FAM193B: variants seen among roughly 807,000 people sequenced by gnomAD.
FAM193B encodes protein FAM193B.
A neutral mutation model predicts 70.7 loss-of-function variants in FAM193B; 27 were observed. The observed-to-expected ratio is 0.38, with a 90% CI of 0.28 to 0.53. The LOEUF is 0.53. Ranked by LOEUF, FAM193B falls within the 20% of genes least tolerant of loss-of-function variation. The pLI, the probability that FAM193B is intolerant of heterozygous loss-of-function variation, is 0.81. For missense variants in FAM193B, 1,022 were observed against 1,072.5 expected (o/e 0.95, Z 0.66); for synonymous variants, 448 against 436.0 (o/e 1.03, Z -0.34).
intron 1 of FAM193B, among the ~76,000 whole-genome samples, chr5:177,549,187 CTTTTTTT>C (rs141797022): frequency 8.6e-5 from 8 of 93,024 alleles, no homozygotes; most frequent in South Asian, 3.7e-4. Context: ...ATTGTCTTTT[CTTTTTTT>C]TTTTTTTTTT....
Position 177,524,275 on chromosome 5 carries a change from A to G in FAM193B, c.2206T>C (p.Ser736Pro), listed in dbSNP as rs337382. 0.99 allele frequency: 1,568,050 copies of G among 1,576,290 alleles called. 780,278 individuals are homozygous for G. Among genetic ancestry groups the G allele is most frequent in the East Asian group, 1 (43,520 of 43,520 alleles). ...RPQEQESVQP[S>P]GPARPQSLPQ... ...AAGCTCTGTGGCCTTGCTGGGCCTG[A>G]GGGCTGCACAGACTCCTGCTCCTGA... is the stretch of plus-strand genomic sequence containing the variant. The change falls in exon 6 of 9, where the codon TCA becomes CCA. Residue 736 changes from serine (S) to proline (P), a missense_variant. Transcript: ENST00000514747.
rs1274515159 is a variant in FAM193B, at chr5:177,532,028, G to T, written c.1275+415C>A. ...CTCTGATCTGAGCCTCCTTCCTGGC[G>T]CCGTCTGTGCTCACGGCCTGTCCCT... On this transcript the variant is annotated intron_variant, in intron 5 of 8. Coordinates refer to ENST00000514747, the MANE Select transcript of FAM193B (RefSeq NM_001190946.3). The surrounding 1 kb of genome is among the most constrained non-coding windows in gnomAD (Gnocchi z 4.9). 3 of 1,291,872 alleles carry T rather than the reference G, an allele frequency of 2.3e-6. No individual in the cohort carries two copies. The highest frequency in any genetic ancestry group is 3.0e-6 in the Non-Finnish European group (3 of 990,660). 80.0% of individuals were successfully genotyped at this position (1,291,872 alleles called of 1,614,324 possible). A position where few individuals can be genotyped will look rare whatever the true frequency, so the allele number is the denominator to read the frequency against.
chr5:177,536,149 G>A (rs1052197830), intron 4 of FAM193B, among the ~76,000 whole-genome samples: 5 of 152,116 alleles, frequency 3.3e-5, no homozygotes, highest in African/African-American at 9.7e-5. Flanking sequence ...CTAGGCTCAA[G>A]TGATCTTCCT....
intron 5 of FAM193B, among the ~76,000 whole-genome samples, chr5:177,527,856 G>C (rs1762851888): frequency 6.6e-6 from 1 of 152,216 alleles, no homozygotes; most frequent in African/African-American, 2.4e-5. Context: ...AGAAGGGAAA[G>C]CAGGCCTGTT....
At position 177,529,547 on chromosome 5, in the gene FAM193B, G is replaced by A. The variant is rs142535246; in HGVS notation, c.1275+2896C>T. Among the ~76,000 whole-genome samples the A allele has an allele frequency of 6.5e-3, 986 of 152,266 alleles. 14 individuals are homozygous for A. Among genetic ancestry groups the A allele is most frequent in the African/African-American group, 0.023 (946 of 41,568 alleles). ...GCCTGCCAGACAGGAGCTGTGCAGT[G>A]TGGGATGAGTGAGCAGAGCCTCCAG... On this transcript the variant is annotated intron_variant, in intron 5 of 8. Transcript: ENST00000514747.
intron 8 of FAM193B, among the ~76,000 whole-genome samples, chr5:177,520,700 T>C (rs1386044147): frequency 3.3e-5 from 5 of 152,182 alleles, no homozygotes. Flanking sequence ...CTCTTTTCTC[T>C]CAGTAGGGAT....
intron 1 of FAM193B, among the ~76,000 whole-genome samples, chr5:177,541,553 G>C (rs1306119222): frequency 1.3e-5 from 2 of 152,050 alleles, no homozygotes; most frequent in African/African-American, 4.8e-5. Context: ...CGAGTAGCCG[G>C]GACTACAGGT....
Position 177,554,495 on chromosome 5 carries a change from C to CGT in FAM193B, c.-38_-37insAC. On this transcript the variant is annotated 5_prime_UTR_variant, in exon 1 of 9. Transcript: ENST00000514747. ...CGCCGCTCCCTCGCTCCACACGCCG[C>CGT]CGCCGCCGCCGCCGCCGCCGCCGCC... The CGT allele has an allele frequency of 5.6e-5, 1 of 17,742 alleles. No individual in the cohort carries two copies. The highest frequency in any genetic ancestry group is 7.2e-5 in the Non-Finnish European group (1 of 13,918). 1.1% of individuals were successfully genotyped at this position (17,742 alleles called of 1,614,324 possible).
At position 177,525,009 on chromosome 5, in the gene FAM193B, C is replaced by T; in HGVS notation, c.1472G>A (p.Ser491Asn). The T allele has an allele frequency of 6.5e-7, 1 of 1,543,458 alleles. No homozygotes were observed. The highest frequency in any genetic ancestry group is 1.3e-5 in the South Asian group (1 of 78,918). The change falls in exon 6 of 9, where the codon AGT (serine) becomes AAT (asparagine). Residue 491 changes from serine (S) to asparagine (N), a missense_variant. Transcript: ENST00000514747. The part of the protein sequence containing the change: ...TVKDSIRASF[S>N]VCELSMDSNG... ...GCTGTCCATGCTGAGCTCACACACA[C>T]TGAAGCTGGCACGGATGGAGTCTTT...
At position 177,532,048 on chromosome 5, in the gene FAM193B, G is replaced by A; in HGVS notation, c.1275+395C>T. On this transcript the variant is annotated intron_variant, in intron 5 of 8. Transcript: ENST00000514747. This position sits in a 1 kb window ranked among gnomAD's most constrained non-coding sequence, Gnocchi z 4.9. ...CTGGCGCCGTCTGTGCTCACGGCCT[G>A]TCCCTCGGCTGGCTGTCACACTTGG... The A allele has an allele frequency of 7.7e-7, 1 of 1,293,678 alleles. No homozygotes were observed. The highest frequency in any genetic ancestry group is 1.0e-6 in the Non-Finnish European group (1 of 991,966). The allele number at this position is 1,293,678 out of a possible 1,614,324, so 80.1% of individuals were successfully genotyped here.
intron 1 of FAM193B, among the ~76,000 whole-genome samples, chr5:177,543,985 T>A (rs980000644): frequency 1.6e-4 from 24 of 152,256 alleles, no homozygotes; most frequent in African/African-American, 5.8e-4. Flanking sequence ...AGCAGCCCAT[T>A]GTTCCTGCTC....
At chr5:177,536,233 A>G in intron 4 of FAM193B, 125 bp downstream of exon 4, 1 of 1,122,294 alleles carries the variant, frequency 8.9e-7, no homozygotes, top group Non-Finnish European at 1.3e-6. Context: ...CTTCTTTACA[A>G]TTGAAAAATA....
intron 1 of FAM193B, chr5:177,553,328 G>A (rs1766550127): frequency 1.0e-6 from 1 of 990,940 alleles, no homozygotes; most frequent in African/African-American, 1.7e-5. Flanking sequence ...GACCCTCCAA[G>A]ACTCCTGCAG....
chr5:177,536,595 G>C lies in FAM193B; in HGVS notation c.839C>G (p.Thr280Ser). 1 of 1,547,650 alleles carries C rather than the reference G, an allele frequency of 6.5e-7. No homozygotes were observed. Among genetic ancestry groups the C allele is most frequent in the Non-Finnish European group, 8.7e-7 (1 of 1,154,826 alleles). ...GSPPHPHLLP[T>S]TPAAPFPAQA... ...GGCAGGGAAAGGTGCTGCCGGGGTG[G>C]TGGGCAGCAGGTGTGGGTGGGGTGG... The change falls in exon 4 of 9, where the codon ACC becomes AGC. Residue 280 changes from threonine to serine, a missense_variant. By Grantham distance (58) the Thr-to-Ser change is moderately conservative (BLOSUM62 1). Transcript: ENST00000514747.
In FAM193B at chr5:177,554,492, C is replaced by CCA; in HGVS notation, c.-35_-34insTG. 1 of 626,948 alleles carries CCA rather than the reference C, an allele frequency of 1.6e-6. No homozygotes were observed. Among genetic ancestry groups the CCA allele is most frequent in the East Asian group, 2.0e-4 (1 of 5,070 alleles). The allele number at this position is 626,948 out of a possible 1,614,324, so 38.8% of individuals were successfully genotyped here. ...TCGCGCCGCTCCCTCGCTCCACACG[C>CCA]CGCCGCCGCCGCCGCCGCCGCCGCC... On this transcript the variant is annotated 5_prime_UTR_variant, in exon 1 of 9. Coordinates refer to ENST00000514747, the MANE Select transcript of FAM193B (RefSeq NM_001190946.3).
At position 177,538,499 on chromosome 5, in the gene FAM193B, G is replaced by A. The variant is rs925381604; in HGVS notation, c.454-392C>T. On this transcript the variant is annotated intron_variant, in intron 2 of 8. Coordinates refer to ENST00000514747, the MANE Select transcript of FAM193B (RefSeq NM_001190946.3). This position sits in a 1 kb window ranked among gnomAD's most constrained non-coding sequence, Gnocchi z 4.1. ...GAGAAATGAGGAAAGTCTGGCCATC[G>A]TGATTCATGAAACAGCAGACTTAGA... Among the ~76,000 whole-genome samples the A allele has an allele frequency of 6.6e-6, 1 of 152,232 alleles. No individual in the cohort carries two copies. Among genetic ancestry groups the A allele is most frequent in the Non-Finnish European group, 1.5e-5 (1 of 68,050 alleles).
chr5:177,552,719 T>A (rs1425700288), intron 1 of FAM193B, among the ~76,000 whole-genome samples: 3 of 152,180 alleles, frequency 2.0e-5, no homozygotes, highest in African/African-American at 7.2e-5. Flanking sequence ...CTGGGGAGTC[T>A]CCTACGGAAG....
At position 177,538,952 on chromosome 5, in the gene FAM193B, T is replaced by A; in HGVS notation, c.406A>T (p.Ser136Cys). 2 of 1,614,044 alleles carry A rather than the reference T, an allele frequency of 1.2e-6. No individual in the cohort carries two copies. Among genetic ancestry groups the A allele is most frequent in the East Asian group, 2.2e-5 (1 of 44,880 alleles). ...PLWVCQSCRK[S>C]MEEDERQTGR... The stretch of plus-strand genomic sequence containing the variant: ...GTCTGCCTTTCATCTTCCTCCATGC[T>A]CTTTCGGCAACTCTGGCAGACCCAC... The change falls in exon 2 of 9, where the codon AGC (serine) becomes TGC (cysteine). Residue 136 changes from serine to cysteine, a missense_variant. Transcript: ENST00000514747. The surrounding 1 kb of genome is among the most constrained non-coding windows in gnomAD (Gnocchi z 4.1).
rs1764438240 is a variant in FAM193B, at chr5:177,538,379, G to A, written c.454-272C>T. On this transcript the variant is annotated intron_variant, in intron 2 of 8. Transcript: ENST00000514747. This position sits in a 1 kb window ranked among gnomAD's most constrained non-coding sequence, Gnocchi z 4.1. ...ACTGCCTGTGAACTGCGGGCCTTTG[G>A]GGAGTAGAGAGCGGCCAATGACAGG... Among the ~76,000 whole-genome samples the A allele has an allele frequency of 6.6e-6, 1 of 152,218 alleles. No individual in the cohort carries two copies. The highest frequency in any genetic ancestry group is 2.4e-5 in the African/African-American group (1 of 41,460).
Sources: gnomAD v4.1 joint callset for allele counts (sites outside exome capture counted in the v4.1 genomes callset) on GRCh38, gnomAD v4.1.1 for gene constraint, Gnocchi (gnomAD v3.1) non-coding constraint, MANE v1.5 for transcripts, NCBI Gene and HGNC (gene_info 2026-07-23, HGNC 2026-07-21) for gene names.